The following TMEM74 variants were observed in gnomAD, a reference collection of about 807,000 sequenced individuals.
TMEM74 encodes the protein transmembrane protein 74.
TMEM74 carries 13 observed loss-of-function variants against 18.1 expected under a neutral mutation model. That is an observed-to-expected ratio of 0.72 (90% confidence interval 0.47 to 1.14). The LOEUF (loss-of-function observed/expected upper bound fraction) is 1.14. Among genes scored for constraint, TMEM74 ranks in the 50% most tolerant of loss-of-function variants. The pLI is 0.00. For missense variants in TMEM74, 372 were observed against 375.9 expected, an observed-to-expected ratio of 0.99 and a Z score of 0.09; for synonymous variants, 159 against 146.6, an observed-to-expected ratio of 1.08 and a Z score of -0.61.
At chr8:108,706,281 T>C (rs1261955338) in intron 1 of TMEM74, among the ~76,000 whole-genome samples, 1 of 152,260 alleles carries the variant, frequency 6.6e-6, no homozygotes, top group Non-Finnish European at 1.5e-5. Flanking sequence ...TTCAAATTAC[T>C]GTGGTAAAGC....
chr8:108,739,657 T>C (rs933709370), intron 1 of TMEM74, among the ~76,000 whole-genome samples: 1 of 152,192 alleles, frequency 6.6e-6, no homozygotes, highest in Non-Finnish European at 1.5e-5. Flanking sequence ...GGATTCCTCA[T>C]GTGATTTTAT....
chr8:108,622,861 T>G (rs1812457082), intron 2 of TMEM74, among the ~76,000 whole-genome samples: 1 of 152,098 alleles, frequency 6.6e-6, no homozygotes, highest in Admixed American at 6.6e-5. Context: ...TTCCTCTTAT[T>G]GATTCACTTC....
At chr8:108,690,543 C>T (rs547305133) in intron 1 of TMEM74, among the ~76,000 whole-genome samples, 72 of 151,724 alleles carry the variant, frequency 4.7e-4, no homozygotes, top group Non-Finnish European at 8.7e-4. Context: ...AGAAAGTGAG[C>T]GGTGGCTCAA....
At chr8:108,773,529 C>A (rs975525668) in intron 1 of TMEM74, among the ~76,000 whole-genome samples, 2 of 152,154 alleles carry the variant, frequency 1.3e-5, no homozygotes, top group Non-Finnish European at 2.9e-5. Context: ...CCTAGTTTCA[C>A]TATCCTGGAC....
intron 1 of TMEM74, among the ~76,000 whole-genome samples, chr8:108,706,235 G>A (rs552672552): frequency 2.0e-4 from 30 of 152,220 alleles, no homozygotes; most frequent in African/African-American, 4.8e-4. Flanking sequence ...TAATAACTAC[G>A]TTTTAGGTTT....
chr8:108,692,699 C>A (rs554399600), intron 1 of TMEM74, among the ~76,000 whole-genome samples: 15 of 152,066 alleles, frequency 9.9e-5, no homozygotes, highest in Non-Finnish European at 2.1e-4. Context: ...GCAAAAAACC[C>A]CCAACCAATC....
At chr8:108,654,251 T>C (rs961055289) in intron 2 of TMEM74, among the ~76,000 whole-genome samples, 2 of 152,152 alleles carry the variant, frequency 1.3e-5, no homozygotes. Flanking sequence ...GACTGCCTAG[T>C]TTTAAATCTT....
intron 1 of TMEM74, among the ~76,000 whole-genome samples, chr8:108,702,350 AAAAAAAAAAAAAG>A (rs1813345247): frequency 6.6e-6 from 1 of 151,268 alleles, no homozygotes; most frequent in Admixed American, 6.6e-5. Flanking sequence ...ATCTAAAAAA[AAAAAAAAAAAAAG>A]AAAGAAAAGC....
At chr8:108,628,752 G>T (rs897178020) in intron 2 of TMEM74, among the ~76,000 whole-genome samples, 10 of 152,020 alleles carry the variant, frequency 6.6e-5, no homozygotes, top group African/African-American at 2.4e-4. Flanking sequence ...TCCACCAAAG[G>T]TATAAAAACA....
At chr8:108,731,683 G>A (rs1813696799) in intron 1 of TMEM74, among the ~76,000 whole-genome samples, 1 of 152,114 alleles carries the variant, frequency 6.6e-6, no homozygotes, top group Non-Finnish European at 1.5e-5. Context: ...GAGGTAGCTA[G>A]CCTTGTGTTC....
chr8:108,642,260 G>A (rs372126213), intron 2 of TMEM74, among the ~76,000 whole-genome samples: 11 of 151,916 alleles, frequency 7.2e-5, no homozygotes, highest in African/African-American at 2.2e-4. Flanking sequence ...TTAACTGGAC[G>A]TGGTGGTGCA....
chr8:108,681,278 T>C (rs1489735231), intron 1 of TMEM74, among the ~76,000 whole-genome samples: 1 of 152,178 alleles, frequency 6.6e-6, no homozygotes, highest in Non-Finnish European at 1.5e-5. Flanking sequence ...ACTACAAGGC[T>C]ACAGTAACCA....
chr8:108,769,332 C>T (rs988534802), intron 1 of TMEM74, among the ~76,000 whole-genome samples: 1 of 151,948 alleles, frequency 6.6e-6, no homozygotes, highest in Non-Finnish European at 1.5e-5. Flanking sequence ...ATCTTACACA[C>T]ACACAAAAAA....
downstream of TMEM74, among the ~76,000 whole-genome samples, chr8:108,778,272 T>C (rs1196924169): frequency 6.6e-6 from 1 of 152,202 alleles, no homozygotes; most frequent in Non-Finnish European, 1.5e-5. Context: ...TGACTAGTCC[T>C]GACTAAATAC....
chr8:108,620,104 G>A (rs968493790), intron 2 of TMEM74, among the ~76,000 whole-genome samples: 1 of 152,068 alleles, frequency 6.6e-6, no homozygotes, highest in African/African-American at 2.4e-5. Flanking sequence ...AGCTATCACT[G>A]TTTGTCTTAA....
intron 1 of TMEM74, among the ~76,000 whole-genome samples, chr8:108,684,696 T>TG (rs1248117276): frequency 6.6e-6 from 1 of 151,520 alleles, no homozygotes; most frequent in Non-Finnish European, 1.5e-5. Context: ...TCTAATAGTT[T>TG]TTTTTTTTTA....
rs562409958 is a variant in TMEM74, at chr8:108,687,508, C to A, written n.120-32071G>T. ...TTTTCGGGATGATTCAAGCACATTACGCTCGTTGTTCACTTTATTTCCATT... is the reference window on the plus strand; with the variant it reads ...TTTTCGGGATGATTCAAGCACATTAAGCTCGTTGTTCACTTTATTTCCATT... On this transcript the variant is annotated intron_variant and non_coding_transcript_variant, in intron 1 of 3. Coordinates refer to the TMEM74 transcript ENST00000518838. Among the ~76,000 whole-genome samples, 15 of 152,162 alleles carry A rather than the reference C, an allele frequency of 9.9e-5. No homozygotes were observed. In the South Asian group the frequency reaches 3.1e-3, roughly 32 times the overall value.
At chr8:108,740,045 T>C (rs1813785167) in intron 1 of TMEM74, among the ~76,000 whole-genome samples, 1 of 152,052 alleles carries the variant, frequency 6.6e-6, no homozygotes, top group Admixed American at 6.6e-5. Context: ...TCTACAGCTG[T>C]GATGGTTTAG....
intron 1 of TMEM74, among the ~76,000 whole-genome samples, chr8:108,684,921 C>G (rs1334383975): frequency 6.6e-6 from 1 of 151,642 alleles, no homozygotes; most frequent in Admixed American, 6.6e-5. Context: ...TATTCAGGGT[C>G]TTTTATGGTT....
Sources: gnomAD v4.1 joint callset for allele counts (sites outside exome capture counted in the v4.1 genomes callset) on GRCh38, gnomAD v4.1.1 for gene constraint, MANE v1.5 for transcripts, NCBI Gene and HGNC (gene_info 2026-07-23, HGNC 2026-07-21) for gene names.